CTNNA3: variants seen among roughly 807,000 people sequenced by gnomAD.
CTNNA3 encodes catenin alpha-3.
A neutral mutation model predicts 95.7 loss-of-function variants in CTNNA3; 76 were observed. That is an observed-to-expected ratio of 0.79 (90% CI 0.66 to 0.96). CTNNA3 has a LOEUF of 0.96. CTNNA3 is among the 40% of genes least tolerant of loss of function. The probability of loss-of-function intolerance (pLI) is 0.00; values close to 1 mark genes in which losing one functional copy is unlikely to be tolerated. For synonymous variants in CTNNA3, 431 were observed against 374.4 expected (o/e 1.15, Z -1.74); for missense variants, 1,191 against 1,089.8 (o/e 1.09, Z -1.31).
intron 10 of CTNNA3, among the ~76,000 whole-genome samples, chr10:66,617,944 G>T (rs1338542205): frequency 1.3e-5 from 2 of 151,488 alleles, no homozygotes; most frequent in Non-Finnish European, 2.9e-5. Flanking sequence ...CAAATCATGA[G>T]TGAACTCCCA....
intron 7 of CTNNA3, among the ~76,000 whole-genome samples, chr10:67,171,129 G>A (rs930138378): frequency 2.0e-5 from 3 of 152,096 alleles, no homozygotes; most frequent in African/African-American, 7.2e-5. Context: ...CCATAAGATA[G>A]TGCTGGCTAA....
intron 13 of CTNNA3, among the ~76,000 whole-genome samples, chr10:66,188,773 A>G (rs1327547395): frequency 6.6e-6 from 1 of 152,060 alleles, no homozygotes; most frequent in African/African-American, 2.4e-5. Context: ...GTCATATTGT[A>G]GTTCTATTTT....
chr10:66,421,983 C>A (rs1194703347), intron 11 of CTNNA3, among the ~76,000 whole-genome samples: 1 of 145,430 alleles, frequency 6.9e-6, no homozygotes, highest in Non-Finnish European at 1.5e-5. Context: ...GATATCAATT[C>A]TTTGTAGAAA....
At chr10:67,413,809 T>G (rs1186347839) in intron 5 of CTNNA3, among the ~76,000 whole-genome samples, 1 of 152,080 alleles carries the variant, frequency 6.6e-6, no homozygotes, top group African/African-American at 2.4e-5. Flanking sequence ...AAATGGAAAG[T>G]AAGCAACTTA....
chr10:67,566,043 G>GTATATATATATATATATATATATATA (rs772272609), intron 3 of CTNNA3, among the ~76,000 whole-genome samples: 269 of 26,788 alleles, frequency 0.01, 31 homozygotes, highest in Non-Finnish European at 0.013. Flanking sequence ...ATGTGTGTGT[G>GTATATATATATATATATATATATATA]TATATATATA....
intron 7 of CTNNA3, among the ~76,000 whole-genome samples, chr10:66,943,167 T>C (rs1038664149): frequency 4.6e-5 from 7 of 152,214 alleles, no homozygotes; most frequent in African/African-American, 1.7e-4. Context: ...AATAATTCGT[T>C]CTTTTTAAAG....
Position 67,554,804 on chromosome 10 carries a change from G to C in CTNNA3, c.293-15135C>G, listed in dbSNP as rs567964252. ...TTGGCTTTTGTTGCCATTGCTTTTGGTGTTTTAGACATGAAGTCCTTGCGC... is the reference window on the plus strand; with the variant it reads ...TTGGCTTTTGTTGCCATTGCTTTTGCTGTTTTAGACATGAAGTCCTTGCGC... On this transcript the variant is annotated intron_variant, in intron 3 of 17. Coordinates refer to ENST00000433211, the MANE Select transcript of CTNNA3 (RefSeq NM_013266.4). 2.6e-5 allele frequency among the ~76,000 whole-genome samples: 4 copies of C among 152,232 alleles called. No individual in the cohort carries two copies. The South Asian group carries it at 8.3e-4, about 32-fold the overall frequency.
At chr10:66,359,697 TTA>T (rs1445034394) in intron 12 of CTNNA3, among the ~76,000 whole-genome samples, 1 of 152,108 alleles carries the variant, frequency 6.6e-6, no homozygotes, top group Non-Finnish European at 1.5e-5. Context: ...AGAGAAAGAA[TTA>T]TGTCTTATTT....
At chr10:67,685,641 G>C (rs1589565020) in intron 1 of CTNNA3, among the ~76,000 whole-genome samples, 1 of 152,224 alleles carries the variant, frequency 6.6e-6, no homozygotes, top group Non-Finnish European at 1.5e-5. Flanking sequence ...CTGACAACAA[G>C]GTGGTATTTG....
rs58311343 is a variant in CTNNA3, at chr10:66,306,554, C to T, written c.1733-25933G>A. 9.9e-3 allele frequency among the ~76,000 whole-genome samples: 1,512 copies of T among 152,188 alleles called. 23 individuals are homozygous for T. The highest frequency in any genetic ancestry group is 0.035 in the African/African-American group (1,442 of 41,508). On this transcript the variant is annotated intron_variant, in intron 12 of 17. Coordinates refer to ENST00000433211, the MANE Select transcript of CTNNA3 (RefSeq NM_013266.4). ...TTGTTTTGCTAGTAAGCCATACTGC[C>T]TGATACTGCCTCCACTTAACAATAA...
At chr10:66,523,891 A>T (rs964222980) in intron 10 of CTNNA3, among the ~76,000 whole-genome samples, 3 of 152,196 alleles carry the variant, frequency 2.0e-5, no homozygotes, top group Non-Finnish European at 4.4e-5. Context: ...CTAGTTGACT[A>T]AAAACAAACA....
chr10:67,435,780 C>T (rs1444881604), intron 5 of CTNNA3, among the ~76,000 whole-genome samples: 1 of 151,962 alleles, frequency 6.6e-6, no homozygotes, highest in Non-Finnish European at 1.5e-5. Context: ...GTCGAAAGAC[C>T]TATACAAGGA....
chr10:67,501,333 C>CTGTT (rs1218715546), intron 5 of CTNNA3, among the ~76,000 whole-genome samples: 4 of 152,348 alleles, frequency 2.6e-5, no homozygotes, highest in African/African-American at 7.2e-5. Context: ...GAGAGATCCA[C>CTGTT]TGTTAGTCTG....
chr10:67,095,830 C>G (rs990463790), intron 7 of CTNNA3, among the ~76,000 whole-genome samples: 2 of 151,816 alleles, frequency 1.3e-5, no homozygotes, highest in Non-Finnish European at 2.9e-5. Context: ...TTGTTCTCTT[C>G]TATAACTCAA....
intron 15 of CTNNA3, among the ~76,000 whole-genome samples, chr10:66,007,402 C>T (rs2078908706): frequency 6.6e-6 from 1 of 152,090 alleles, no homozygotes; most frequent in South Asian, 2.1e-4. Context: ...CACCATCCAC[C>T]CTTCATGAGG....
chr10:67,125,960 T>A (rs146571768), intron 7 of CTNNA3, among the ~76,000 whole-genome samples: 2 of 152,216 alleles, frequency 1.3e-5, no homozygotes, highest in African/African-American at 4.8e-5. Context: ...TTAAGAGTAC[T>A]TTATGCTTGG....
chr10:65,994,519 T>C (rs2133344943), intron 15 of CTNNA3, among the ~76,000 whole-genome samples: 1 of 152,240 alleles, frequency 6.6e-6, no homozygotes, highest in East Asian at 1.9e-4. Flanking sequence ...AAATCTGCTG[T>C]TAGTTTTAAT....
intron 7 of CTNNA3, among the ~76,000 whole-genome samples, chr10:66,827,652 T>C (rs1322950953): frequency 6.6e-6 from 1 of 152,186 alleles, no homozygotes; most frequent in East Asian, 1.9e-4. Context: ...TCAAATGGCA[T>C]TGTGAGAGTT....
chr10:67,658,063 G>C (rs1395410337), intron 1 of CTNNA3, among the ~76,000 whole-genome samples: 1 of 152,008 alleles, frequency 6.6e-6, no homozygotes, highest in African/African-American at 2.4e-5. Context: ...CCCACCGTCT[G>C]CTAAAGAGTT....
Sources: gnomAD v4.1 joint callset for allele counts (sites outside exome capture counted in the v4.1 genomes callset) on GRCh38, gnomAD v4.1.1 for gene constraint, MANE v1.5 for transcripts, NCBI Gene and HGNC (gene_info 2026-07-23, HGNC 2026-07-21) for gene names.